PYGB: variants seen among roughly 807,000 people sequenced by gnomAD.
The protein encoded by PYGB is glycogen phosphorylase B.
Under a neutral mutation model 94.3 loss-of-function variants are expected in PYGB, and 82 were observed. That is an observed-to-expected ratio of 0.87 (90% confidence interval 0.73 to 1.04). The LOEUF (loss-of-function observed/expected upper bound fraction) is 1.04, where lower values mean the gene tolerates loss of function less well. PYGB is among the 50% of genes least tolerant of loss of function. The pLI is 0.00. For synonymous variants in PYGB, 488 were observed against 479.1 expected (o/e 1.02, Z -0.24); for missense variants, 1,132 against 1,158.2 (o/e 0.98, Z 0.33).
intron 17 of PYGB, 188 bp from the exon 18 acceptor site, chr20:25,293,970 C>CGCCGTATCATTAAAAAA: frequency 2.1e-5 from 14 of 662,602 alleles, no homozygotes; most frequent in South Asian, 5.7e-5. Flanking sequence ...CACATCTCTG[C>CGCCGTATCATTAAAAAA]TCGAGCAGGT....
intron 5 of PYGB, 79 bp downstream of exon 5, chr20:25,274,802 C>A: frequency 6.5e-7 from 1 of 1,534,250 alleles, no homozygotes; most frequent in Non-Finnish European, 8.7e-7. Context: ...GACAGCTCAG[C>A]TTCTTTTGGC....
At chr20:25,281,195 C>A in intron 11 of PYGB, 83 bp downstream of exon 11, 1 of 1,532,398 alleles carries the variant, frequency 6.5e-7, no homozygotes. Flanking sequence ...AACACATGGA[C>A]CCAGCTATAT....
chr20:25,267,557 G>T (rs996513080), intron 2 of PYGB, among the ~76,000 whole-genome samples: 3 of 152,036 alleles, frequency 2.0e-5, no homozygotes, highest in African/African-American at 7.3e-5. Context: ...TTGAGACAGG[G>T]TCTTGCTCTG....
chr20:25,250,074 C>T (rs1305692064), intron 1 of PYGB, among the ~76,000 whole-genome samples: 2 of 152,188 alleles, frequency 1.3e-5, no homozygotes, highest in African/African-American at 2.4e-5. Context: ...TGGTCTCAAA[C>T]TCCTGACCTC....
chr20:25,277,152 GTTT>G, intron 6 of PYGB, 89 bp from the exon 7 acceptor site: 13 of 1,017,540 alleles, frequency 1.3e-5, no homozygotes, highest in Non-Finnish European at 1.9e-5. Context: ...GCTCGAGCGA[GTTT>G]CCTTGGCCTT....
chr20:25,294,652 G>C (rs2088511672), intron 18 of PYGB: 1 of 560,618 alleles, frequency 1.8e-6, no homozygotes, highest in African/African-American at 1.9e-5. Context: ...TCCCTGGGGT[G>C]GGGTAGGGGG....
intron 1 of PYGB, among the ~76,000 whole-genome samples, chr20:25,250,399 T>A (rs533635446): frequency 6.6e-6 from 1 of 152,296 alleles, no homozygotes; most frequent in Non-Finnish European, 1.5e-5. Context: ...CTCTTTTGAT[T>A]GTCTACGTGT....
chr20:25,271,298 C>T (rs1486318374), intron 3 of PYGB, 85 bp from the exon 4 acceptor site: 1 of 1,283,804 alleles, frequency 7.8e-7, no homozygotes, highest in African/African-American at 1.5e-5. Context: ...CTCTGAATTT[C>T]TGCCTTGCGC....
rs567800278 is a variant in PYGB at position 25,288,569 on chromosome 20, C to T, written c.1827+86C>T. ...GCCTGCACGCTTCTCATGGTGCCAC[C>T]ACATCCATACTCGGGAACCGGATGC... On this transcript the variant is annotated intron_variant, in intron 15 of 19. Transcript: ENST00000216962. 2.1e-6 allele frequency: 3 copies of T among 1,463,310 alleles called. No individual in the cohort carries two copies. In the East Asian group the frequency reaches 6.9e-5, roughly 33 times the overall value. 90.6% of individuals were successfully genotyped at this position (1,463,310 alleles called of 1,614,324 possible).
chr20:25,248,416 C>G lies in PYGB; in HGVS notation c.238C>G (p.Pro80Ala), dbSNP rs746670423. The change falls in exon 1 of 20, where the codon CCC (proline) becomes GCC (alanine). Residue 80 changes from proline (P) to alanine (A), a missense_variant. Transcript: ENST00000216962. ...GCAGCAGCACTACTACGAGCGCGACCCCAAGGTGAGGCGCTGCCCCGCCCT... is the reference window on the plus strand; with the variant it reads ...GCAGCAGCACTACTACGAGCGCGACGCCAAGGTGAGGCGCTGCCCCGCCCT... Reference protein sequence around the residue: ...RTQQHYYERDPKRIYYLSLEF... With the variant: ...RTQQHYYERDAKRIYYLSLEF... 6 of 1,524,636 alleles carry G rather than the reference C, an allele frequency of 3.9e-6. No individual in the cohort carries two copies. The South Asian group carries it at 7.2e-5, about 18-fold the overall frequency. The allele number at this position is 1,524,636 out of a possible 1,614,324, so 94.4% of individuals were successfully genotyped here. A position where few individuals can be genotyped will look rare whatever the true frequency, so the allele number is the denominator to read the frequency against.
intron 1 of PYGB, among the ~76,000 whole-genome samples, chr20:25,252,874 G>C (rs2092892111): frequency 6.6e-6 from 1 of 152,096 alleles, no homozygotes; most frequent in Non-Finnish European, 1.5e-5. Flanking sequence ...GTTGGGGCTG[G>C]CGGGAGGGGT....
At chr20:25,265,448 G>A (rs1208009600) in intron 2 of PYGB, among the ~76,000 whole-genome samples, 1 of 152,146 alleles carries the variant, frequency 6.6e-6, no homozygotes, top group Non-Finnish European at 1.5e-5. Flanking sequence ...GTATGTTATA[G>A]TTTTTATTTG....
At chr20:25,271,583 C>A (rs556326683) in intron 4 of PYGB, 97 bp downstream of exon 4, 3 of 1,332,308 alleles carry the variant, frequency 2.3e-6, no homozygotes, top group African/African-American at 2.9e-5. Context: ...CCCACGCCCC[C>A]GCCAGGGGAC....
chr20:25,297,829 G>GTGGGA lies in PYGB; in HGVS notation c.*1311_*1312insATGGG, dbSNP rs2088573303. On this transcript the variant is annotated 3_prime_UTR_variant, in exon 20 of 20. Coordinates refer to ENST00000216962, the MANE Select transcript of PYGB (RefSeq NM_002862.4). ...CCAGAGCACTACAGCCTTTTATTGAGTGGGGCAAGTGCTGGGCTGTGGTCG... is the reference window on the plus strand; with the variant it reads ...CCAGAGCACTACAGCCTTTTATTGAGTGGGATGGGGCAAGTGCTGGGCTGTGGTCG... The GTGGGA allele has an allele frequency of 1.8e-5, 1 of 56,174 alleles. No individual in the cohort carries two copies. The highest frequency in any genetic ancestry group is 0.024 in the East Asian group (1 of 42). 3.5% of individuals were successfully genotyped at this position (56,174 alleles called of 1,614,324 possible). A position where few individuals can be genotyped will look rare whatever the true frequency, so the allele number is the denominator to read the frequency against.
chr20:25,280,547 G>A, intron 10 of PYGB, 135 bp downstream of exon 10: 1 of 1,262,232 alleles, frequency 7.9e-7, no homozygotes. Context: ...CTTGGGGCTG[G>A]GGGCTGTCCC....
At chr20:25,280,199 C>G (rs544025699) in intron 9 of PYGB, 67 bp from the exon 10 acceptor site, 2 of 1,572,366 alleles carry the variant, frequency 1.3e-6, no homozygotes, top group South Asian at 2.3e-5. Context: ...CTCACCCTGC[C>G]TAGGCAACTG....
In PYGB at chr20:25,283,214, G is replaced by A. The variant is rs757516360; in HGVS notation, c.1557G>A (p.Leu519=). ...AGTTCCTGACTGACCTGAGCCAGCT[G>A]AAGAAGCTGCTGCCGCTGGTCAGTG... is the stretch of plus-strand genomic sequence containing the variant. ...GEEFLTDLSQ[L]KKLLPLVSDE... is the part of the protein sequence containing the mutation. The change falls in exon 13 of 20, where the codon CTG becomes CTA. Residue 519 remains leucine, a synonymous_variant. Transcript: ENST00000216962. 12 of 1,613,764 alleles carry A rather than the reference G, an allele frequency of 7.4e-6. No homozygotes were observed. In the Admixed American group the frequency reaches 8.3e-5, roughly 11 times the overall value.
intron 2 of PYGB, among the ~76,000 whole-genome samples, chr20:25,267,337 A>T (rs563233119): frequency 6.6e-6 from 1 of 152,272 alleles, no homozygotes; most frequent in Admixed American, 6.5e-5. Flanking sequence ...GCTTTTTGGT[A>T]TGATGGTTTG....
At chr20:25,292,725 G>C (rs1429608942) in intron 17 of PYGB, 112 bp downstream of exon 17, 1 of 1,338,938 alleles carries the variant, frequency 7.5e-7, no homozygotes, top group Non-Finnish European at 1.0e-6. Context: ...TGTGTGCTAG[G>C]GTCAGTGCCC....
Sources: gnomAD v4.1 joint callset for allele counts (sites outside exome capture counted in the v4.1 genomes callset) on GRCh38, gnomAD v4.1.1 for gene constraint, MANE v1.5 for transcripts, NCBI Gene and HGNC (gene_info 2026-07-23, HGNC 2026-07-21) for gene names.